The following MAGI2 variants were observed in gnomAD, a reference collection of about 807,000 sequenced individuals.
MAGI2 encodes membrane-associated guanylate kinase, WW and PDZ domain-containing protein 2.
A neutral mutation model predicts 133.3 loss-of-function variants in MAGI2; 35 were observed. The ratio of observed to expected loss-of-function variants is 0.26; its 90% confidence interval spans 0.20 to 0.35. The LOEUF is 0.35. Among genes scored for constraint, MAGI2 ranks in the 10% least tolerant of loss-of-function variants. The pLI, the probability that MAGI2 is intolerant of heterozygous loss-of-function variation, is 1.00. For missense variants in MAGI2, 1,636 were observed against 1,863.4 expected, an observed-to-expected ratio of 0.88 and a Z score of 2.25; for synonymous variants, 729 against 710.6, an observed-to-expected ratio of 1.03 and a Z score of -0.41.
intron 2 of MAGI2, among the ~76,000 whole-genome samples, chr7:78,972,881 C>T (rs1400792726): frequency 6.6e-6 from 1 of 151,288 alleles, no homozygotes; most frequent in East Asian, 1.9e-4. Flanking sequence ...GTATTTACGG[C>T]TAAAATTAAC....
At chr7:78,531,380 A>C (rs777108189) in intron 3 of MAGI2, among the ~76,000 whole-genome samples, 15 of 151,818 alleles carry the variant, frequency 9.9e-5, no homozygotes, top group South Asian at 2.1e-4. Context: ...CGTCGAATTA[A>C]TTTTTGTATA....
chr7:78,297,626 G>A (rs374187446), intron 9 of MAGI2, among the ~76,000 whole-genome samples: 1 of 151,428 alleles, frequency 6.6e-6, no homozygotes, highest in Non-Finnish European at 1.5e-5. Flanking sequence ...TGGCACATAT[G>A]CACCATGGAA....
At chr7:79,322,419 G>T (rs1839255065) in intron 1 of MAGI2, among the ~76,000 whole-genome samples, 1 of 152,068 alleles carries the variant, frequency 6.6e-6, no homozygotes, top group Admixed American at 6.6e-5. Flanking sequence ...AAGCCAGACT[G>T]TCTAGGTCCA....
chr7:79,093,303 T>C (rs1357701852), intron 1 of MAGI2, among the ~76,000 whole-genome samples: 1 of 152,154 alleles, frequency 6.6e-6, no homozygotes, highest in Non-Finnish European at 1.5e-5. Context: ...AAGACCTATC[T>C]GATGCAGAAC....
intron 21 of MAGI2, chr7:78,072,796 T>A (rs1814848379): frequency 2.5e-6 from 1 of 396,854 alleles, no homozygotes; most frequent in Non-Finnish European, 4.4e-6. Context: ...TCCTCCTGAG[T>A]AGCTGGGACC....
intron 1 of MAGI2, among the ~76,000 whole-genome samples, chr7:79,324,392 A>G (rs1476261123): frequency 6.9e-6 from 1 of 145,540 alleles, no homozygotes; most frequent in African/African-American, 2.5e-5. Flanking sequence ...GTGTGTATGT[A>G]TATATATATA....
intron 2 of MAGI2, among the ~76,000 whole-genome samples, chr7:78,672,273 C>G (rs570665491): frequency 1.3e-5 from 2 of 152,068 alleles, no homozygotes; most frequent in Non-Finnish European, 2.9e-5. Context: ...GACCTCCCCC[C>G]TCTCTCTCTT....
At chr7:78,932,888 C>T (rs2151661405) in intron 2 of MAGI2, among the ~76,000 whole-genome samples, 1 of 152,164 alleles carries the variant, frequency 6.6e-6, no homozygotes. Flanking sequence ...GACACTGACT[C>T]CAAATGATGA....
chr7:78,913,267 A>G (rs1370421508), intron 2 of MAGI2, among the ~76,000 whole-genome samples: 1 of 152,114 alleles, frequency 6.6e-6, no homozygotes, highest in Non-Finnish European at 1.5e-5. Context: ...CACATGTCTC[A>G]TGAATGTTTT....
intron 2 of MAGI2, among the ~76,000 whole-genome samples, chr7:78,696,682 G>GAA (rs113620063): frequency 1.5e-4 from 21 of 144,644 alleles, no homozygotes; most frequent in African/African-American, 2.7e-4. Context: ...GCAAACTGAT[G>GAA]AAAAAAAAAA....
At chr7:78,523,536 G>A (rs1303316768) in intron 3 of MAGI2, among the ~76,000 whole-genome samples, 1 of 151,958 alleles carries the variant, frequency 6.6e-6, no homozygotes, top group South Asian at 2.1e-4. Context: ...CCAAGACTGG[G>A]TAATTTAGAA....
chr7:78,966,566 A>G (rs1185637485), intron 2 of MAGI2, among the ~76,000 whole-genome samples: 1 of 151,962 alleles, frequency 6.6e-6, no homozygotes, highest in Non-Finnish European at 1.5e-5. Context: ...TTCTTTATCT[A>G]CTCATCTGTT....
rs569789697 is a variant in MAGI2 at position 78,019,828 on chromosome 7, A to G, written c.3855T>C (p.Thr1285=). The G allele has an allele frequency of 1.2e-6, 2 of 1,613,332 alleles. No homozygotes were observed. The highest frequency in any genetic ancestry group is 4.5e-5 in the East Asian group (2 of 44,812). ...DPSHQISPGP[T]WDIKREHDVR... Reference sequence around the variant, plus strand: ...CGTCGTGTTCCCGTTTGATATCCCAAGTTGGGCCTGGGCTTATCTGGTGGG... The same window carrying G: ...CGTCGTGTTCCCGTTTGATATCCCAGGTTGGGCCTGGGCTTATCTGGTGGG... The change falls in exon 22 of 22, where the codon ACT becomes ACC. Residue 1285 remains threonine, a synonymous_variant. Coordinates refer to ENST00000354212, the MANE Select transcript of MAGI2 (RefSeq NM_012301.4).
chr7:78,719,739 A>C (rs10267607), intron 2 of MAGI2, among the ~76,000 whole-genome samples: 57,541 of 152,090 alleles, frequency 0.38, 11,131 homozygotes, highest in Middle Eastern at 0.43. Context: ...GCCTGGCTGC[A>C]GTACTATCAA....
At chr7:79,415,911 G>A (rs1846473950) in intron 1 of MAGI2, among the ~76,000 whole-genome samples, 1 of 152,124 alleles carries the variant, frequency 6.6e-6, no homozygotes, top group African/African-American at 2.4e-5. Context: ...GGGAATAGCA[G>A]GAGGTACTGG....
chr7:78,786,957 T>A (rs1165133572), intron 2 of MAGI2, among the ~76,000 whole-genome samples: 2 of 149,136 alleles, frequency 1.3e-5, no homozygotes, highest in Admixed American at 6.7e-5. Context: ...CTTTCTTTCC[T>A]TTTTTTGTTT....
At chr7:79,425,253 G>GAAA (rs398047789) in intron 1 of MAGI2, among the ~76,000 whole-genome samples, 1 of 125,484 alleles carries the variant, frequency 8.0e-6, no homozygotes, top group Non-Finnish European at 1.7e-5. Flanking sequence ...CTCCGTCTCA[G>GAAA]AAAAAAAAAA....
rs1563166210 is a variant in MAGI2 at position 79,376,841 on chromosome 7, G to GTGTGTGTGTGT, written c.301+76178_301+76179insACACACACACA. The stretch of plus-strand genomic sequence containing the variant: ...TTGTGTGTGTGTGTGTGTGTGTGTG[G>GTGTGTGTGTGT]GTGTATGGCGTGTGTATTCAACACA... On this transcript the variant is annotated intron_variant, in intron 1 of 21. Transcript: ENST00000354212. Among the ~76,000 whole-genome samples the GTGTGTGTGTGT allele has an allele frequency of 8.7e-3, 1,280 of 147,560 alleles. 13 individuals are homozygous for GTGTGTGTGTGT. Among genetic ancestry groups the GTGTGTGTGTGT allele is most frequent in the African/African-American group, 0.028 (1,073 of 38,276 alleles).
intron 8 of MAGI2, among the ~76,000 whole-genome samples, chr7:78,344,894 CAATT>C (rs996171225): frequency 1.3e-5 from 2 of 152,078 alleles, no homozygotes; most frequent in Admixed American, 6.5e-5. Context: ...TACTAGGAAA[CAATT>C]AATATCTGCT....
Sources: allele counts gnomAD v4.1 joint callset (sites outside exome capture counted in the v4.1 genomes callset), GRCh38; gene constraint gnomAD v4.1.1; transcripts MANE v1.5; gene names NCBI Gene and HGNC (gene_info 2026-07-23, HGNC 2026-07-21).